Variants in GPR89A observed in about 807,000 individuals in gnomAD.
GPR89A encodes G protein-coupled receptor 89A.
A neutral mutation model predicts 52.0 loss-of-function variants in GPR89A; 16 were observed. The observed-to-expected ratio is 0.31, with a 90% CI of 0.21 to 0.47. The LOEUF (loss-of-function observed/expected upper bound fraction) is 0.47, where lower values mean the gene tolerates loss of function less well. GPR89A is among the 20% of genes least tolerant of loss of function. The pLI, the probability that GPR89A is intolerant of heterozygous loss-of-function variation, is 1.00. For synonymous variants in GPR89A, 55 were observed against 150.9 expected, an observed-to-expected ratio of 0.36 and a Z score of 4.66; for missense variants, 135 against 449.4, an observed-to-expected ratio of 0.30 and a Z score of 6.33.
At chr1:145,663,038 C>G (rs1652308646) in intron 10 of GPR89A, among the ~76,000 whole-genome samples, 3 of 152,172 alleles carry the variant, frequency 2.0e-5, no homozygotes, top group Non-Finnish European at 4.4e-5. Flanking sequence ...ACTTCATCTA[C>G]CAGAATGTTA....
chr1:145,610,803 T>A (rs1356573019), intron 1 of GPR89A, among the ~76,000 whole-genome samples: 48 of 152,294 alleles, frequency 3.2e-4, no homozygotes. Context: ...AAGAAAGGTG[T>A]CTTTTATAGT....
intron 10 of GPR89A, among the ~76,000 whole-genome samples, chr1:145,661,369 A>G (rs1228491801): frequency 2.0e-5 from 3 of 150,590 alleles, no homozygotes; most frequent in Non-Finnish European, 3.0e-5. Context: ...TGATGAGTTA[A>G]TGGGTGCAGC....
At chr1:145,608,924 A>G (rs1648042892) in intron 1 of GPR89A, among the ~76,000 whole-genome samples, 1 of 151,496 alleles carries the variant, frequency 6.6e-6, no homozygotes, top group African/African-American at 2.4e-5. Flanking sequence ...TGCTTTTACC[A>G]TGTAATCTAT....
At chr1:145,632,235 T>G (rs1165829861) in intron 7 of GPR89A, among the ~76,000 whole-genome samples, 1 of 152,188 alleles carries the variant, frequency 6.6e-6, no homozygotes, top group Non-Finnish European at 1.5e-5. Context: ...CACATGTTTA[T>G]TTTTTTGTGG....
At position 145,669,271 on chromosome 1, in the gene GPR89A, TAGAA is replaced by T. The variant is rs1451308838; in HGVS notation, c.1096-350_1096-347del. Reference sequence around the variant, plus strand: ...GATCTGCAGGCATCTAGCACAGTTTTAGAAAGAGCGTGGGAGCCTACTAACAATT... The same window carrying T: ...GATCTGCAGGCATCTAGCACAGTTTTAGAGCGTGGGAGCCTACTAACAATT... On this transcript the variant is annotated intron_variant, in intron 12 of 13. Transcript: ENST00000313835. Among the ~76,000 whole-genome samples the T allele has an allele frequency of 2.1e-5, 3 of 143,934 alleles. No homozygotes were observed. In the Admixed American group the frequency reaches 2.1e-4, roughly 10 times the overall value. 94.4% of individuals were successfully genotyped at this position (143,934 alleles called of 152,430 possible).
intron 1 of GPR89A, among the ~76,000 whole-genome samples, chr1:145,610,383 T>C (rs1553685912): frequency 6.6e-6 from 1 of 152,148 alleles, no homozygotes; most frequent in African/African-American, 2.4e-5. Context: ...TCTTCTCTCT[T>C]CAGCTGTGGC....
intron 1 of GPR89A, among the ~76,000 whole-genome samples, chr1:145,610,496 C>T (rs1209229076): frequency 2.0e-5 from 3 of 152,070 alleles, no homozygotes; most frequent in Admixed American, 2.0e-4. Flanking sequence ...CTTTCTGGGC[C>T]TTTTCCTCAT....
chr1:145,608,285 TC>T (rs1647958521), intron 1 of GPR89A, 110 bp downstream of exon 1: 2 of 1,454,816 alleles, frequency 1.4e-6, no homozygotes, highest in Non-Finnish European at 1.9e-6. Context: ...CTCTTACGCG[TC>T]CTGCGCTAGT....
At chr1:145,627,537 C>T (rs1392264808) in intron 5 of GPR89A, among the ~76,000 whole-genome samples, 14 of 152,082 alleles carry the variant, frequency 9.2e-5, no homozygotes, top group African/African-American at 3.1e-4. Flanking sequence ...AGGATTTATT[C>T]GTTCATTCAG....
intron 1 of GPR89A, among the ~76,000 whole-genome samples, chr1:145,614,460 G>A (rs1318875544): frequency 8.5e-5 from 13 of 152,286 alleles, no homozygotes; most frequent in African/African-American, 1.2e-4. Context: ...AGCATAGCAC[G>A]TAGGAGTTAT....
chr1:145,666,877 A>C (rs587680386), intron 12 of GPR89A, among the ~76,000 whole-genome samples: 2 of 152,212 alleles, frequency 1.3e-5, no homozygotes, highest in East Asian at 3.9e-4. Context: ...TACAAAGGAC[A>C]TGAACTCATC....
At chr1:145,636,350 A>G (rs1182486289) in intron 7 of GPR89A, among the ~76,000 whole-genome samples, 1 of 139,074 alleles carries the variant, frequency 7.2e-6, no homozygotes, top group Non-Finnish European at 1.5e-5. Context: ...TTAATAAAAA[A>G]GAAAAACTGT....
chr1:145,656,169 A>T (rs587627647), intron 10 of GPR89A, among the ~76,000 whole-genome samples: 143 of 151,500 alleles, frequency 9.4e-4, no homozygotes, highest in African/African-American at 3.3e-3. Flanking sequence ...ACCTGCAGTG[A>T]TGGTGGCTGT....
chr1:145,620,192 G>C (rs1649043512), intron 3 of GPR89A, among the ~76,000 whole-genome samples: 1 of 152,106 alleles, frequency 6.6e-6, no homozygotes, highest in African/African-American at 2.4e-5. Context: ...CTTCTGTAAA[G>C]GGCCAGATAA....
chr1:145,634,067 A>G (rs1443922544), intron 7 of GPR89A, among the ~76,000 whole-genome samples: 5 of 131,396 alleles, frequency 3.8e-5, no homozygotes, highest in Admixed American at 1.8e-4. Context: ...AAAGAATGGA[A>G]TATTGTCTAT....
At chr1:145,609,471 A>G (rs1346494242) in intron 1 of GPR89A, among the ~76,000 whole-genome samples, 4 of 152,216 alleles carry the variant, frequency 2.6e-5, no homozygotes, top group African/African-American at 9.7e-5. Context: ...CAAATGTATT[A>G]ATGTAAAAAA....
At chr1:145,647,382 A>G (rs1253190444) in intron 10 of GPR89A, 115 bp downstream of exon 10, 29 of 1,460,702 alleles carry the variant, frequency 2.0e-5, no homozygotes, top group Non-Finnish European at 2.3e-5. Flanking sequence ...GATTGCATCA[A>G]CAGAGAGCAT....
intron 1 of GPR89A, among the ~76,000 whole-genome samples, chr1:145,611,857 C>G (rs1648304273): frequency 6.6e-6 from 1 of 151,836 alleles, no homozygotes; most frequent in Admixed American, 6.6e-5. Context: ...ATATCCTGGA[C>G]ATTTTCTCCT....
chr1:145,635,600 GATTT>G (rs1485554352), intron 7 of GPR89A, among the ~76,000 whole-genome samples: 6 of 152,184 alleles, frequency 3.9e-5, no homozygotes, highest in African/African-American at 1.2e-4. Context: ...AAAAGTGAAA[GATTT>G]ATGTAAACAA....
Sources: gnomAD v4.1 joint callset for allele counts (sites outside exome capture counted in the v4.1 genomes callset) on GRCh38, gnomAD v4.1.1 for gene constraint, MANE v1.5 for transcripts, NCBI Gene and HGNC (gene_info 2026-07-23, HGNC 2026-07-21) for gene names.